The following UBE2Z variants were observed in gnomAD, a reference collection of about 807,000 sequenced individuals.
The protein encoded by UBE2Z is ubiquitin-conjugating enzyme E2 Z.
Under a neutral mutation model 32.6 loss-of-function variants are expected in UBE2Z, and 10 were observed. That is an observed-to-expected ratio of 0.31 (90% confidence interval 0.19 to 0.52). UBE2Z has a LOEUF of 0.52. UBE2Z is among the 20% of genes least tolerant of loss of function. UBE2Z has a pLI of 0.97. For missense variants in UBE2Z, 343 were observed against 480.9 expected, an observed-to-expected ratio of 0.71 and a Z score of 2.68; for synonymous variants, 183 against 190.8, an observed-to-expected ratio of 0.96 and a Z score of 0.34.
At position 48,908,729 on chromosome 17, in the gene UBE2Z, G is replaced by C; in HGVS notation, c.226G>C (p.Gly76Arg). 1 of 1,436,778 alleles carries C rather than the reference G, an allele frequency of 7.0e-7. No individual in the cohort carries two copies. The highest frequency in any genetic ancestry group is 9.1e-7 in the Non-Finnish European group (1 of 1,094,850). 89.0% of individuals were successfully genotyped at this position (1,436,778 alleles called of 1,614,324 possible). Residue 76 changes from glycine to arginine, a missense_variant, in exon 1 of 7, where the codon GGG (glycine) becomes CGG (arginine). Coordinates refer to ENST00000360943, the MANE Select transcript of UBE2Z (RefSeq NM_023079.5). ...GCTCCCGCCCTCAGCCGCTGCCCAC[G>C]GGGCCGCGCTGCTTAGCCACTGGGA... is the stretch of plus-strand genomic sequence containing the variant. The part of the protein sequence containing the change: ...PGLPPSAAAH[G>R]AALLSHWDPT...
At chr17:48,909,977 C>T (rs1461232435) in intron 1 of UBE2Z, among the ~76,000 whole-genome samples, 6 of 152,182 alleles carry the variant, frequency 3.9e-5, no homozygotes, top group Admixed American at 3.9e-4. Flanking sequence ...AACTCTTTTC[C>T]TCCTCCAGCC....
Position 48,924,966 on chromosome 17 carries a change from A to T in UBE2Z, c.895-1998A>T, listed in dbSNP as rs529327685. ...AGTTCTTGGGTGTTTGGATCATCTTACTGGTGGTCTTGCTTAGAAATGGGA... is the reference window on the plus strand; with the variant it reads ...AGTTCTTGGGTGTTTGGATCATCTTTCTGGTGGTCTTGCTTAGAAATGGGA... On this transcript the variant is annotated intron_variant, in intron 6 of 6. Coordinates refer to ENST00000360943, the MANE Select transcript of UBE2Z (RefSeq NM_023079.5). 9.2e-5 allele frequency among the ~76,000 whole-genome samples: 14 copies of T among 151,652 alleles called. No individual in the cohort carries two copies. In the South Asian group the frequency reaches 2.9e-3, roughly 32 times the overall value.
intron 1 of UBE2Z, among the ~76,000 whole-genome samples, chr17:48,909,178 C>T (rs1012701629): frequency 6.6e-6 from 1 of 150,874 alleles, no homozygotes; most frequent in Non-Finnish European, 1.5e-5. Context: ...CGGCGCCGCC[C>T]CTATTTCCCC....
chr17:48,910,715 C>G (rs1176902686), intron 1 of UBE2Z, 93 bp from the exon 2 acceptor site: 1 of 946,278 alleles, frequency 1.1e-6, no homozygotes, highest in African/African-American at 1.6e-5. Flanking sequence ...AAACCCTGGC[C>G]TCATTGAGGT....
At chr17:48,910,704 C>A in intron 1 of UBE2Z, 104 bp from the exon 2 acceptor site, 2 of 882,904 alleles carry the variant, frequency 2.3e-6, no homozygotes, top group African/African-American at 1.6e-5. Context: ...ACCACTTTCT[C>A]AAACCCTGGC....
rs373393504 is a variant in UBE2Z at position 48,927,164 on chromosome 17, C to G, written c.*30C>G. 4 of 1,609,882 alleles carry G rather than the reference C, an allele frequency of 2.5e-6. No homozygotes were observed. Among genetic ancestry groups the G allele is most frequent in the Non-Finnish European group, 3.4e-6 (4 of 1,177,692 alleles). On this transcript the variant is annotated 3_prime_UTR_variant, in exon 7 of 7. Transcript: ENST00000360943. ...TGCTCCCATCTCCCCTTCCCCCACT[C>G]AAGAGTCCCAGCAGAATCCCTTCCC...
At chr17:48,912,054 ATT>A (rs34211200) in intron 2 of UBE2Z, 1,899 of 132,134 alleles carry the variant, frequency 0.014, 26 homozygotes, top group South Asian at 0.07. Context: ...AGGACGGCTG[ATT>A]TTTTTTTTTT....
At position 48,908,798 on chromosome 17, in the gene UBE2Z, C is replaced by T; in HGVS notation, c.295C>T (p.Gln99Ter). ...CTGGGACGGCGAGCGCACCGCGCCG[C>T]AGTGTCTACTCCGGATCAAGCGGTG... ...SDWDGERTAPQCLLRIKRDIM... is the reference protein window; with the variant it reads ...SDWDGERTAP Residue 99 changes from glutamine (Q) to a stop codon, truncating the protein, a stop_gained, in exon 1 of 7, where the codon CAG becomes TAG. Transcript: ENST00000360943. LOFTEE classifies it high-confidence loss of function. 1 of 1,507,792 alleles carries T rather than the reference C, an allele frequency of 6.6e-7. No homozygotes were observed. Among genetic ancestry groups the T allele is most frequent in the Non-Finnish European group, 8.8e-7 (1 of 1,133,268 alleles). The allele number at this position is 1,507,792 out of a possible 1,614,324, so 93.4% of individuals were successfully genotyped here. A position where few individuals can be genotyped will look rare whatever the true frequency, so the allele number is the denominator to read the frequency against.
chr17:48,917,831 C>T (rs1024410703), intron 4 of UBE2Z, among the ~76,000 whole-genome samples: 1 of 152,130 alleles, frequency 6.6e-6, no homozygotes, highest in Non-Finnish European at 1.5e-5. Context: ...CCAACTTCTC[C>T]CACTCTTCCG....
At chr17:48,922,160 A>G (rs2040763738) in intron 5 of UBE2Z, among the ~76,000 whole-genome samples, 1 of 152,080 alleles carries the variant, frequency 6.6e-6, no homozygotes, top group South Asian at 2.1e-4. Flanking sequence ...AGGCCAAGGA[A>G]GGCAGATCAC....
In UBE2Z at chr17:48,927,046, A is replaced by C; in HGVS notation, c.977A>C (p.Glu326Ala). The C allele has an allele frequency of 6.2e-7, 1 of 1,613,888 alleles. No individual in the cohort carries two copies. Among genetic ancestry groups the C allele is most frequent in the Non-Finnish European group, 8.5e-7 (1 of 1,179,854 alleles). The change falls in exon 7 of 7, where the codon GAG becomes GCG. Residue 326 changes from glutamate to alanine, a missense_variant. Coordinates refer to ENST00000360943, the MANE Select transcript of UBE2Z (RefSeq NM_023079.5). ...GGACTGATACGTCAGAAAGTGCTGG[A>C]GAGGCTCCATAATGAGAATGCAGAA... is the stretch of plus-strand genomic sequence containing the variant. ...RLGLIRQKVL[E>A]RLHNENAEMD...
Position 48,927,266 on chromosome 17 carries a change from C to G in UBE2Z, c.*132C>G, listed in dbSNP as rs1467441645. 2.8e-5 allele frequency: 28 copies of G among 994,100 alleles called. No individual in the cohort carries two copies. The highest frequency in any genetic ancestry group is 2.6e-5 in the East Asian group (1 of 38,080). The allele number at this position is 994,100 out of a possible 1,614,324, so 61.6% of individuals were successfully genotyped here. A position where few individuals can be genotyped will look rare whatever the true frequency, so the allele number is the denominator to read the frequency against. On this transcript the variant is annotated 3_prime_UTR_variant, in exon 7 of 7. Coordinates refer to ENST00000360943, the MANE Select transcript of UBE2Z (RefSeq NM_023079.5). ...ATCCTGCAAGATGGCAAGAACCAAG[C>G]AAGCTCCGATCCCAGGGTGTGGGAG...
In UBE2Z at chr17:48,928,077, A is replaced by G. The variant is rs977237732; in HGVS notation, c.*943A>G. 6.6e-6 allele frequency: 1 copy of G among 152,090 alleles called. No homozygotes were observed. The highest frequency in any genetic ancestry group is 1.5e-5 in the Non-Finnish European group (1 of 68,130). The allele number at this position is 152,090 out of a possible 1,614,324, so 9.4% of individuals were successfully genotyped here. A position where few individuals can be genotyped will look rare whatever the true frequency, so the allele number is the denominator to read the frequency against. On this transcript the variant is annotated 3_prime_UTR_variant, in exon 7 of 7. Coordinates refer to ENST00000360943, the MANE Select transcript of UBE2Z (RefSeq NM_023079.5). ...GGAGACTGATGCTAGTCCTTGTTGT[A>G]TTTTGTTGGGCTGTCCTTGTGTATT...
chr17:48,922,992 C>T, intron 6 of UBE2Z, 55 bp downstream of exon 6: 1 of 1,493,494 alleles, frequency 6.7e-7, no homozygotes. Flanking sequence ...CATGTAAAAG[C>T]CCCCCACAAG....
Position 48,927,192 on chromosome 17 carries a change from C to G in UBE2Z, c.*58C>G, listed in dbSNP as rs758061472. ...GAGTCCCAGCAGAATCCCTTCCCCC[C>G]ACCCCAGGGATGGAGAGGCACTGTG... On this transcript the variant is annotated 3_prime_UTR_variant, in exon 7 of 7. Coordinates refer to ENST00000360943, the MANE Select transcript of UBE2Z (RefSeq NM_023079.5). The G allele has an allele frequency of 1.5e-5, 24 of 1,563,300 alleles. No homozygotes were observed. The highest frequency in any genetic ancestry group is 1.9e-4 in the Middle Eastern group (1 of 5,200).
intron 2 of UBE2Z, 96 bp from the exon 3 acceptor site, chr17:48,912,738 A>C: frequency 7.7e-7 from 1 of 1,295,746 alleles, no homozygotes; most frequent in Non-Finnish European, 1.1e-6. Context: ...CAGATTATGG[A>C]CTCTGCTTCT....
intron 4 of UBE2Z, among the ~76,000 whole-genome samples, chr17:48,918,263 C>T (rs1437310744): frequency 6.6e-6 from 1 of 152,072 alleles, no homozygotes; most frequent in East Asian, 1.9e-4. Flanking sequence ...TAAACTATTA[C>T]ATATGACACC....
chr17:48,921,292 G>A lies in UBE2Z; in HGVS notation c.803+20G>A. ...CCTACGGTATGTGTCAAGCGGGCTTGCTTGGTATTCCTTTCGGGCATTTGG... is the reference window on the plus strand; with the variant it reads ...CCTACGGTATGTGTCAAGCGGGCTTACTTGGTATTCCTTTCGGGCATTTGG... On this transcript the variant is annotated intron_variant, in intron 5 of 6. Transcript: ENST00000360943. The A allele has an allele frequency of 6.3e-7, 1 of 1,591,104 alleles. No homozygotes were observed. Among genetic ancestry groups the A allele is most frequent in the Non-Finnish European group, 8.6e-7 (1 of 1,166,338 alleles).
intron 4 of UBE2Z, 72 bp from the exon 5 acceptor site, chr17:48,921,088 T>C (rs2040754976): frequency 5.5e-6 from 7 of 1,271,252 alleles, no homozygotes; most frequent in Non-Finnish European, 7.8e-6. Context: ...CCCATACTAA[T>C]CTTGAAGTCC....
Sources: gnomAD v4.1 joint callset for allele counts (sites outside exome capture counted in the v4.1 genomes callset) on GRCh38, gnomAD v4.1.1 for gene constraint, MANE v1.5 for transcripts, NCBI Gene and HGNC (gene_info 2026-07-23, HGNC 2026-07-21) for gene names.